The following RBFOX1 variants were observed in gnomAD, a reference collection of about 807,000 sequenced individuals.
The protein encoded by RBFOX1 is RNA binding fox-1 homolog 1.
In RBFOX1, 8 loss-of-function variants were observed where a neutral mutation model predicts 57.7. That is an observed-to-expected ratio of 0.14 (90% CI 0.08 to 0.25). The LOEUF (loss-of-function observed/expected upper bound fraction) is 0.25. Ranked by LOEUF, RBFOX1 falls within the 10% of genes least tolerant of loss-of-function variation. RBFOX1 has a pLI of 1.00. For synonymous variants in RBFOX1, 326 were observed against 222.4 expected (o/e 1.47, Z -4.15); for missense variants, 611 against 548.5 (o/e 1.11, Z -1.14).
intron 2 of RBFOX1, among the ~76,000 whole-genome samples, chr16:5,598,067 C>T (rs2047245250): frequency 6.6e-6 from 1 of 151,956 alleles, no homozygotes; most frequent in African/African-American, 2.4e-5. Context: ...GAGGCCGAGG[C>T]AGGTGGATCA....
chr16:6,532,228 G>A (rs1430444400), intron 2 of RBFOX1, among the ~76,000 whole-genome samples: 8 of 152,118 alleles, frequency 5.3e-5, no homozygotes, highest in Admixed American at 5.2e-4. Flanking sequence ...AGTACCCAAT[G>A]TATGGTCTTA....
chr16:7,588,537 T>G (rs1309192831), intron 7 of RBFOX1, among the ~76,000 whole-genome samples: 1 of 152,182 alleles, frequency 6.6e-6, no homozygotes, highest in African/African-American at 2.4e-5. Context: ...TGGCTGCCAG[T>G]CCCCAGGCTA....
chr16:7,189,582 CACACAT>C lies in RBFOX1; in HGVS notation c.27+137490_27+137495del, dbSNP rs1256833037. On this transcript the variant is annotated intron_variant, in intron 4 of 15. Transcript: ENST00000550418. ...ACACACACACACACACACACACACACACACATACACACACAAAATAGAGCACATAAG... is the reference window on the plus strand; with the variant it reads ...ACACACACACACACACACACACACACACACACACAAAATAGAGCACATAAG... 9.5e-3 allele frequency among the ~76,000 whole-genome samples: 1,418 copies of C among 149,468 alleles called. 32 individuals are homozygous for C. Among genetic ancestry groups the C allele is most frequent in the African/African-American group, 0.033 (1,333 of 40,382 alleles).
At chr16:6,164,484 T>TTTTTA (rs2096901692) in intron 1 of RBFOX1, among the ~76,000 whole-genome samples, 1 of 151,078 alleles carries the variant, frequency 6.6e-6, no homozygotes, top group African/African-American at 2.4e-5. Flanking sequence ...TTTTTTTTTT[T>TTTTTA]GAGATGTAGT....
intron 4 of RBFOX1, among the ~76,000 whole-genome samples, chr16:5,886,577 G>A (rs1349341478): frequency 6.6e-6 from 1 of 152,182 alleles, no homozygotes; most frequent in Non-Finnish European, 1.5e-5. Flanking sequence ...CTGAGCTGGA[G>A]GATGACTCAT....
chr16:6,755,318 A>C (rs1283401113), intron 3 of RBFOX1, among the ~76,000 whole-genome samples: 2 of 152,160 alleles, frequency 1.3e-5, no homozygotes. Context: ...CAGTCCCACC[A>C]ACAGTGTAAA....
chr16:7,426,114 A>C (rs144379442), intron 4 of RBFOX1, among the ~76,000 whole-genome samples: 1 of 152,344 alleles, frequency 6.6e-6, no homozygotes, highest in African/African-American at 2.4e-5. Context: ...TACTCAGGAA[A>C]AAGCCAGCGT....
At chr16:5,524,666 A>T (rs8055440) in intron 2 of RBFOX1, among the ~76,000 whole-genome samples, 1 of 150,962 alleles carries the variant, frequency 6.6e-6, no homozygotes, top group African/African-American at 2.4e-5. Context: ...TCAGCCTTCC[A>T]AGTAGCCGGG....
At chr16:7,187,373 G>C (rs1294468472) in intron 4 of RBFOX1, among the ~76,000 whole-genome samples, 2 of 151,940 alleles carry the variant, frequency 1.3e-5, no homozygotes, top group Non-Finnish European at 2.9e-5. Context: ...TTACAAAGAA[G>C]TATATACATA....
chr16:5,684,924 T>TATTATCTCC lies in RBFOX1; in HGVS notation c.318+85963_318+85964insATTATCTCC, dbSNP rs1280746527. On this transcript the variant is annotated intron_variant, in intron 3 of 19. Coordinates refer to the RBFOX1 transcript ENST00000641259. The stretch of plus-strand genomic sequence containing the variant: ...AGGCATCAGGGAGCTCTCCAGCGTA[T>TATTATCTCC]GAGACACAGTTTATATTATCTCCCA... 2.6e-5 allele frequency among the ~76,000 whole-genome samples: 4 copies of TATTATCTCC among 152,306 alleles called. No individual in the cohort carries two copies. The East Asian group carries it at 7.7e-4, about 29-fold the overall frequency.
intron 4 of RBFOX1, among the ~76,000 whole-genome samples, chr16:7,199,500 C>G (rs116973834): frequency 0.031 from 4,756 of 152,220 alleles, 115 homozygotes; most frequent in South Asian, 0.092. Flanking sequence ...TTAACACAGC[C>G]AAACACCTGT....
intron 10 of RBFOX1, among the ~76,000 whole-genome samples, chr16:7,622,536 C>T (rs1300864138): frequency 6.6e-6 from 1 of 152,208 alleles, no homozygotes; most frequent in East Asian, 1.9e-4. Context: ...ACAAATTCTT[C>T]TTTGTATTAT....
chr16:5,368,840 G>T (rs146020371), intron 1 of RBFOX1, among the ~76,000 whole-genome samples: 1 of 152,242 alleles, frequency 6.6e-6, no homozygotes, highest in Non-Finnish European at 1.5e-5. Flanking sequence ...AAGCATGGCT[G>T]GCTCTTGTCA....
At chr16:7,290,716 A>T (rs1330225055) in intron 4 of RBFOX1, among the ~76,000 whole-genome samples, 2 of 152,228 alleles carry the variant, frequency 1.3e-5, no homozygotes, top group Admixed American at 6.5e-5. Context: ...TACCGTTCTC[A>T]TGGGACATGT....
intron 4 of RBFOX1, among the ~76,000 whole-genome samples, chr16:7,210,815 T>C (rs1196637299): frequency 6.6e-6 from 1 of 152,062 alleles, no homozygotes; most frequent in Non-Finnish European, 1.5e-5. Flanking sequence ...TGAGCAAGTC[T>C]AGAGATCCAA....
At chr16:7,458,751 C>T (rs143365971) in intron 4 of RBFOX1, among the ~76,000 whole-genome samples, 1 of 152,088 alleles carries the variant, frequency 6.6e-6, no homozygotes, top group Admixed American at 6.5e-5. Context: ...CAGATAAGAC[C>T]TCCTTGACTC....
At chr16:6,885,845 T>G (rs943224042) in intron 3 of RBFOX1, among the ~76,000 whole-genome samples, 2 of 152,148 alleles carry the variant, frequency 1.3e-5, no homozygotes, top group Non-Finnish European at 2.9e-5. Flanking sequence ...TCATGCAATT[T>G]TTATTTTAGA....
intron 11 of RBFOX1, among the ~76,000 whole-genome samples, chr16:7,634,860 A>G (rs2061516678): frequency 6.6e-6 from 1 of 152,246 alleles, no homozygotes; most frequent in African/African-American, 2.4e-5. Context: ...ACTTAAATGA[A>G]GAAAGAACAA....
chr16:7,214,087 A>ATT (rs1567734398), intron 4 of RBFOX1, among the ~76,000 whole-genome samples: 1 of 150,342 alleles, frequency 6.7e-6, no homozygotes, highest in African/African-American at 2.5e-5. Context: ...AAAAAAAAAA[A>ATT]ATTTTTCCAC....
Sources: gnomAD v4.1 joint callset for allele counts (sites outside exome capture counted in the v4.1 genomes callset) on GRCh38, gnomAD v4.1.1 for gene constraint, MANE v1.5 for transcripts, NCBI Gene and HGNC (gene_info 2026-07-23, HGNC 2026-07-21) for gene names.